TCF20: variants seen among roughly 807,000 people sequenced by gnomAD.
The protein encoded by TCF20 is SPRE-binding protein.
Under a neutral mutation model 148.6 loss-of-function variants are expected in TCF20, and 3 were observed. The observed-to-expected ratio is 0.02, with a 90% CI of 0.01 to 0.05. The LOEUF (loss-of-function observed/expected upper bound fraction) is 0.05. Ranked by LOEUF, TCF20 falls within the 10% of genes least tolerant of loss-of-function variation. The pLI is 1.00. For missense variants in TCF20, 2,350 were observed against 2,429.3 expected (o/e 0.97, Z 0.69); for synonymous variants, 1,049 against 909.5 (o/e 1.15, Z -2.76).
At position 42,211,619 on chromosome 22, in the gene TCF20, T is replaced by G; in HGVS notation, c.3687A>C (p.Ser1229=). Reference sequence around the variant, plus strand: ...TCAGCATAACACTACCAGGTTTGGATGACTGTGTAGCCTCAGCTAGTCCAT... The same window carrying G: ...TCAGCATAACACTACCAGGTTTGGAGGACTGTGTAGCCTCAGCTAGTCCAT... ...DGHGLAEATQ[S]SKPGSVMLRL... Residue 1229 remains serine, a synonymous_variant, in exon 2 of 6, where the codon TCA becomes TCC. Transcript: ENST00000677622. 6.2e-7 allele frequency: 1 copy of G among 1,614,212 alleles called. No individual in the cohort carries two copies. Among genetic ancestry groups the G allele is most frequent in the South Asian group, 1.1e-5 (1 of 91,086 alleles).
intron 2 of TCF20, among the ~76,000 whole-genome samples, chr22:42,191,535 C>T (rs932477353): frequency 9.2e-5 from 14 of 152,184 alleles, no homozygotes; most frequent in South Asian, 2.1e-4. Flanking sequence ...GTGATCCACC[C>T]TCCTCGGCCT....
At position 42,214,880 on chromosome 22, in the gene TCF20, C is replaced by T. The variant is rs763845963; in HGVS notation, c.426G>A (p.Gln142=). ...SEGHVGQFQA[Q]HSGLGGVSHY... ...GTGACACACCGCCAAGGCCAGAGTGCTGTGCTTGAAACTGGCCCACATGAC... is the reference window on the plus strand; with the variant it reads ...GTGACACACCGCCAAGGCCAGAGTGTTGTGCTTGAAACTGGCCCACATGAC... The change falls in exon 2 of 6, where the codon CAG becomes CAA. Residue 142 remains glutamine (Q), a synonymous_variant. Coordinates refer to ENST00000677622, the MANE Select transcript of TCF20 (RefSeq NM_001378418.1). 1.9e-6 allele frequency: 3 copies of T among 1,614,084 alleles called. No individual in the cohort carries two copies. In the Admixed American group the frequency reaches 5.0e-5, roughly 27 times the overall value.
chr22:42,325,755 T>G (rs919279114), intron 1 of TCF20, among the ~76,000 whole-genome samples: 2 of 152,140 alleles, frequency 1.3e-5, no homozygotes, highest in African/African-American at 4.8e-5. Context: ...AGCTGGGAAG[T>G]GGAGGCCGTG....
intron 1 of TCF20, among the ~76,000 whole-genome samples, chr22:42,339,627 T>C (rs1390740979): frequency 6.6e-6 from 1 of 152,224 alleles, no homozygotes; most frequent in African/African-American, 2.4e-5. Flanking sequence ...GGGATTCCCA[T>C]TGTCCAAAGG....
chr22:42,188,806 G>A (rs898482086), intron 2 of TCF20, among the ~76,000 whole-genome samples: 2 of 152,184 alleles, frequency 1.3e-5, no homozygotes, highest in African/African-American at 2.4e-5. Context: ...TGCAGGGGCT[G>A]AAATGGGGAG....
At chr22:42,232,329 AACG>A (rs1923492024) in intron 1 of TCF20, among the ~76,000 whole-genome samples, 1 of 152,036 alleles carries the variant, frequency 6.6e-6, no homozygotes, top group African/African-American at 2.4e-5. Context: ...ATGTTAGAAC[AACG>A]ACAAAAATCA....
intron 3 of TCF20, among the ~76,000 whole-genome samples, chr22:42,171,062 T>G (rs1489016007): frequency 6.6e-6 from 1 of 152,152 alleles, no homozygotes; most frequent in Non-Finnish European, 1.5e-5. Flanking sequence ...TCATTCCAAC[T>G]TGTAACATGA....
At chr22:42,187,449 C>A (rs935108277) in intron 2 of TCF20, among the ~76,000 whole-genome samples, 1 of 152,134 alleles carries the variant, frequency 6.6e-6, no homozygotes, top group Non-Finnish European at 1.5e-5. Context: ...AAATTATAAA[C>A]CTGTAATAAG....
intron 1 of TCF20, among the ~76,000 whole-genome samples, chr22:42,255,270 A>G (rs1925667529): frequency 6.6e-6 from 1 of 151,964 alleles, no homozygotes; most frequent in Non-Finnish European, 1.5e-5. Flanking sequence ...GCGGATCACG[A>G]GGTCAGGAAA....
intron 2 of TCF20, among the ~76,000 whole-genome samples, chr22:42,190,918 A>G (rs141579859): frequency 1.8e-4 from 28 of 152,366 alleles, no homozygotes; most frequent in Non-Finnish European, 2.9e-4. Context: ...TGGTAGGCAG[A>G]TATCAGCCAC....
At chr22:42,189,845 A>G (rs1937240812) in intron 2 of TCF20, among the ~76,000 whole-genome samples, 1 of 152,204 alleles carries the variant, frequency 6.6e-6, no homozygotes, top group Non-Finnish European at 1.5e-5. Context: ...CTTATCAGAA[A>G]TCTTTTTTGA....
intron 1 of TCF20, among the ~76,000 whole-genome samples, chr22:42,320,507 C>T (rs1050081699): frequency 4.6e-5 from 7 of 152,178 alleles, no homozygotes; most frequent in East Asian, 1.9e-4. Context: ...CTCCAACAGC[C>T]GTCCCAGCCC....
chr22:42,228,209 G>A (rs891467264), intron 1 of TCF20, among the ~76,000 whole-genome samples: 2 of 152,196 alleles, frequency 1.3e-5, no homozygotes, highest in African/African-American at 2.4e-5. Flanking sequence ...GTTAAGGGAC[G>A]TTGGCTGCAT....
At chr22:42,161,966 G>C (rs1156788233) in intron 5 of TCF20, among the ~76,000 whole-genome samples, 1 of 122,630 alleles carries the variant, frequency 8.2e-6, no homozygotes, top group Non-Finnish European at 1.6e-5. Context: ...CTTGGCTAAT[G>C]ACAGTCTTTT....
At chr22:42,321,746 A>T (rs1025515246) in intron 1 of TCF20, among the ~76,000 whole-genome samples, 3 of 151,738 alleles carry the variant, frequency 2.0e-5, no homozygotes, top group African/African-American at 7.2e-5. Context: ...CAAGAGTTTG[A>T]GTCCAGCCTG....
In TCF20 at chr22:42,210,123, T is replaced by C. The variant is rs1920930499; in HGVS notation, c.5183A>G (p.Asp1728Gly). The change falls in exon 2 of 6, where the codon GAT becomes GGT. Residue 1728 changes from aspartate (D) to glycine (G), a missense_variant. This residue lies in a region of TCF20 where 374 missense variants were observed against 398.3 expected (regional missense o/e 0.94). Coordinates refer to ENST00000677622, the MANE Select transcript of TCF20 (RefSeq NM_001378418.1). The surrounding 1 kb of genome is among the most constrained non-coding windows in gnomAD (Gnocchi z 4.7). ...ATTCTTCGGGAGAGTGGCTGCATAATCTTGGGGATAAAAAGGTCCAAAGAG... is the reference window on the plus strand; with the variant it reads ...ATTCTTCGGGAGAGTGGCTGCATAACCTTGGGGATAAAAAGGTCCAAAGAG... Reference protein sequence around the residue: ...GDLFGPFYPQDYAATLPKNPP... With the variant: ...GDLFGPFYPQGYAATLPKNPP... 1 of 1,614,052 alleles carries C rather than the reference T, an allele frequency of 6.2e-7. No individual in the cohort carries two copies. Among genetic ancestry groups the C allele is most frequent in the African/African-American group, 1.3e-5 (1 of 74,906 alleles).
At chr22:42,209,410 C>A (rs1325758876) in intron 2 of TCF20, among the ~76,000 whole-genome samples, 1 of 152,090 alleles carries the variant, frequency 6.6e-6, no homozygotes, top group Non-Finnish European at 1.5e-5. Context: ...AAAGATGTGG[C>A]CCAAGAAACT....
intron 1 of TCF20, among the ~76,000 whole-genome samples, chr22:42,251,993 C>T (rs941326566): frequency 3.3e-5 from 5 of 150,940 alleles, no homozygotes; most frequent in Non-Finnish European, 2.9e-5. Flanking sequence ...CACCTGAGGT[C>T]GGGAGTTTGA....
intron 1 of TCF20, among the ~76,000 whole-genome samples, chr22:42,308,242 C>T (rs1209900546): frequency 5.3e-5 from 8 of 152,140 alleles, no homozygotes; most frequent in Non-Finnish European, 1.2e-4. Context: ...GGGGGACCCA[C>T]CTGACCCTCA....
Sources: gnomAD v4.1 joint callset for allele counts (sites outside exome capture counted in the v4.1 genomes callset) on GRCh38, gnomAD v4.1.1 for gene constraint, gnomAD v4.1.1 regional missense constraint, Gnocchi (gnomAD v3.1) non-coding constraint, MANE v1.5 for transcripts, NCBI Gene and HGNC (gene_info 2026-07-23, HGNC 2026-07-21) for gene names.